The following CRAMP1 variants were observed in gnomAD, a reference collection of about 807,000 sequenced individuals.
The protein encoded by CRAMP1 is cramped chromatin regulator 1, also known as protein cramped-like.
CRAMP1 carries 50 observed loss-of-function variants against 115.4 expected under a neutral mutation model. The ratio of observed to expected loss-of-function variants is 0.43; its 90% CI spans 0.35 to 0.55. The LOEUF (loss-of-function observed/expected upper bound fraction) is 0.55. Among genes scored for constraint, CRAMP1 ranks in the 20% least tolerant of loss-of-function variants. The pLI is 0.01. For synonymous variants in CRAMP1, 866 were observed against 745.4 expected (o/e 1.16, Z -2.64); for missense variants, 1,679 against 1,721.7 (o/e 0.98, Z 0.44).
chr16:1,617,140 T>C (rs1272367043), intron 2 of CRAMP1, among the ~76,000 whole-genome samples: 1 of 152,192 alleles, frequency 6.6e-6, no homozygotes, highest in Non-Finnish European at 1.5e-5. Context: ...AAATATATCT[T>C]TAAGCAAATA....
intron 6 of CRAMP1, among the ~76,000 whole-genome samples, chr16:1,643,503 T>C (rs1459217749): frequency 2.6e-5 from 4 of 151,170 alleles, no homozygotes; most frequent in Non-Finnish European, 5.9e-5. Context: ...ATCCCTCCAC[T>C]GTGCTCCAGC....
intron 6 of CRAMP1, among the ~76,000 whole-genome samples, chr16:1,641,695 G>A (rs1567453193): frequency 6.6e-6 from 1 of 152,142 alleles, no homozygotes; most frequent in African/African-American, 2.4e-5. Context: ...ACAAACAACC[G>A]GGCCCCTGAT....
intron 19 of CRAMP1, 58 bp from the exon 20 acceptor site, chr16:1,670,606 T>G: frequency 6.3e-7 from 1 of 1,588,096 alleles, no homozygotes; most frequent in South Asian, 1.1e-5. Context: ...ACCCTTCCGC[T>G]GGACTGGTCC....
chr16:1,656,029 G>A lies in CRAMP1; in HGVS notation c.1272G>A (p.Val424=), dbSNP rs2036769336. ...TGCACTCCAAGGCCTTCTGCACAGT[G>A]CACTGGCAGGAGGGCGGCCGGTGCA... ...RVVHSKAFCT[V]HWQEGGRCKQ... Residue 424 remains valine, a synonymous_variant, in exon 10 of 21, where the codon GTG becomes GTA. Coordinates refer to ENST00000397412, the MANE Select transcript of CRAMP1 (RefSeq NM_020825.4). The surrounding 1 kb of genome is among the most constrained non-coding windows in gnomAD (Gnocchi z 5.6). 4 of 1,612,312 alleles carry A rather than the reference G, an allele frequency of 2.5e-6. No homozygotes were observed. In the South Asian group the frequency reaches 3.3e-5, roughly 13 times the overall value.
At chr16:1,629,119 A>G (rs1356287138) in intron 3 of CRAMP1, among the ~76,000 whole-genome samples, 1 of 152,076 alleles carries the variant, frequency 6.6e-6, no homozygotes, top group Non-Finnish European at 1.5e-5. Context: ...TCCATCATCC[A>G]TGCTTGTTTT....
At position 1,666,009 on chromosome 16, in the gene CRAMP1, A is replaced by C. The variant is rs8058190; in HGVS notation, c.2753-64A>C. 0.62 allele frequency: 685,596 copies of C among 1,110,034 alleles called. 221,720 individuals carry two copies. The highest frequency in any genetic ancestry group is 0.92 in the African/African-American group (59,564 of 64,620). 68.8% of individuals were successfully genotyped at this position (1,110,034 alleles called of 1,614,324 possible). A position where few individuals can be genotyped will look rare whatever the true frequency, so the allele number is the denominator to read the frequency against. On this transcript the variant is annotated intron_variant, in intron 14 of 20. Transcript: ENST00000397412. This position sits in a 1 kb window ranked among gnomAD's most constrained non-coding sequence, Gnocchi z 5.0. ...GCTGTAAAGGAAGCCCCCTGCGGCC[A>C]CATCCTGCTGTGAGGGCATGGCGGG...
chr16:1,673,273 C>T (rs1418193662), intron 20 of CRAMP1, among the ~76,000 whole-genome samples: 5 of 142,430 alleles, frequency 3.5e-5, no homozygotes, highest in Admixed American at 7.1e-5. Flanking sequence ...TGTCTCTTGA[C>T]GGGAACGTGT....
At chr16:1,616,992 T>C (rs967907463) in intron 2 of CRAMP1, among the ~76,000 whole-genome samples, 12 of 151,638 alleles carry the variant, frequency 7.9e-5, no homozygotes, top group Non-Finnish European at 1.3e-4. Context: ...TTTTTTTTTT[T>C]TTTTGGTATT....
rs751364374 is a variant in CRAMP1, at chr16:1,671,515, G to A, written c.3645+706G>A. Among the ~76,000 whole-genome samples the A allele has an allele frequency of 2.0e-5, 3 of 152,226 alleles. No individual in the cohort carries two copies. Among genetic ancestry groups the A allele is most frequent in the South Asian group, 2.1e-4 (1 of 4,818 alleles). On this transcript the variant is annotated intron_variant, in intron 20 of 20. Coordinates refer to ENST00000397412, the MANE Select transcript of CRAMP1 (RefSeq NM_020825.4). The surrounding 1 kb of genome is among the most constrained non-coding windows in gnomAD (Gnocchi z 5.0). The stretch of plus-strand genomic sequence containing the variant: ...AGGCTTGCAGGGTGAAGACAGGCCC[G>A]TTTCACTGTGACGTAAAGTGCAGAG...
rs915055898 is a variant in CRAMP1 at position 1,637,818 on chromosome 16, T to C, written c.695-6T>C. Reference sequence around the variant, plus strand: ...CTCTAAAGCCGCCTTCTCTTCTGTTTCTCAGTGTTCTCTCGAGGCCTGAAG... The same window carrying C: ...CTCTAAAGCCGCCTTCTCTTCTGTTCCTCAGTGTTCTCTCGAGGCCTGAAG... On this transcript the variant is annotated splice_region_variant and splice_polypyrimidine_tract_variant and intron_variant, in intron 4 of 20. Coordinates refer to ENST00000397412, the MANE Select transcript of CRAMP1 (RefSeq NM_020825.4). The C allele has an allele frequency of 1.3e-6, 2 of 1,492,736 alleles. No individual in the cohort carries two copies. Among genetic ancestry groups the C allele is most frequent in the African/African-American group, 1.4e-5 (1 of 70,324 alleles). The allele number at this position is 1,492,736 out of a possible 1,614,324, so 92.5% of individuals were successfully genotyped here.
In CRAMP1 at chr16:1,670,650, C is replaced by G; in HGVS notation, c.3500-14C>G. 1 of 1,613,634 alleles carries G rather than the reference C, an allele frequency of 6.2e-7. No homozygotes were observed. Among genetic ancestry groups the G allele is most frequent in the South Asian group, 1.1e-5 (1 of 91,064 alleles). On this transcript the variant is annotated splice_polypyrimidine_tract_variant and intron_variant, in intron 19 of 20. Transcript: ENST00000397412. The stretch of plus-strand genomic sequence containing the variant: ...CAGGGTTCAGGGTGTTTTCCTCTGG[C>G]CTTTTCTCCGCAGCAAGCTTCATCT...
chr16:1,655,425 T>C (rs2036762741), intron 9 of CRAMP1, 125 bp downstream of exon 9: 1 of 788,610 alleles, frequency 1.3e-6, no homozygotes, highest in African/African-American at 1.7e-5. Context: ...TGCTGTGACA[T>C]GGTGTACATC....
At chr16:1,654,740 C>T (rs533165852) in intron 8 of CRAMP1, among the ~76,000 whole-genome samples, 8 of 152,226 alleles carry the variant, frequency 5.3e-5, no homozygotes, top group Non-Finnish European at 8.8e-5. Flanking sequence ...TTCATAGAAA[C>T]GGAATCACAC....
chr16:1,643,158 T>G (rs186032168), intron 6 of CRAMP1, among the ~76,000 whole-genome samples: 9 of 151,926 alleles, frequency 5.9e-5, no homozygotes, highest in Non-Finnish European at 1.0e-4. Context: ...CGTGATAGAG[T>G]GTAGTCTCCC....
chr16:1,626,258 T>G (rs2036507406), intron 3 of CRAMP1, 92 bp downstream of exon 3: 2 of 1,247,714 alleles, frequency 1.6e-6, no homozygotes, highest in East Asian at 5.3e-5. Flanking sequence ...TGCTGTTAGA[T>G]TCTAGAACGC....
At chr16:1,635,293 G>A (rs1001647475) in intron 4 of CRAMP1, among the ~76,000 whole-genome samples, 2 of 152,234 alleles carry the variant, frequency 1.3e-5, no homozygotes, top group South Asian at 2.1e-4. Flanking sequence ...TGGCAAGCGA[G>A]CGTGGAAGGG....
intron 3 of CRAMP1, among the ~76,000 whole-genome samples, chr16:1,627,347 T>G (rs2036516240): frequency 6.6e-6 from 1 of 152,186 alleles, no homozygotes; most frequent in African/African-American, 2.4e-5. Context: ...AGTTTCACCG[T>G]GTTGCCTGGG....
chr16:1,619,740 A>G (rs113850560), intron 2 of CRAMP1, among the ~76,000 whole-genome samples: 30 of 152,320 alleles, frequency 2.0e-4, no homozygotes, highest in African/African-American at 6.3e-4. Context: ...GAGGACGCTG[A>G]GCCTTGCAGG....
intron 2 of CRAMP1, chr16:1,620,779 T>G (rs760214919): frequency 9.0e-6 from 4 of 445,440 alleles, no homozygotes; most frequent in Non-Finnish European, 1.8e-5. Context: ...CCTCCAGCTC[T>G]GTGACAGGAC....
Sources: allele counts gnomAD v4.1 joint callset (sites outside exome capture counted in the v4.1 genomes callset), GRCh38; gene constraint gnomAD v4.1.1; non-coding constraint Gnocchi (gnomAD v3.1); transcripts MANE v1.5; gene names NCBI Gene and HGNC (gene_info 2026-07-23, HGNC 2026-07-21).